TAOK3: variants seen among roughly 807,000 people sequenced by gnomAD.
TAOK3 encodes TAO kinase 3, also known as serine/threonine-protein kinase TAO3.
In TAOK3, 40 loss-of-function variants were observed where a neutral mutation model predicts 120.4. That is an observed-to-expected ratio of 0.33 (90% CI 0.26 to 0.43). The LOEUF is 0.43. Among genes scored for constraint, TAOK3 ranks in the 20% least tolerant of loss-of-function variants. The pLI is 1.00. For missense variants in TAOK3, 821 were observed against 1,112.1 expected (o/e 0.74, Z 3.72); for synonymous variants, 355 against 387.5 (o/e 0.92, Z 0.99).
chr12:118,311,180 G>T (rs932357277), intron 1 of TAOK3, among the ~76,000 whole-genome samples: 1 of 152,134 alleles, frequency 6.6e-6, no homozygotes, highest in Admixed American at 6.5e-5. Context: ...ACAAATAGGG[G>T]CCGGGCATGG....
intron 19 of TAOK3, among the ~76,000 whole-genome samples, chr12:118,153,344 C>T (rs940193184): frequency 3.9e-5 from 6 of 152,006 alleles, no homozygotes; most frequent in African/African-American, 9.7e-5. Context: ...CCCAGGAGTT[C>T]GAGGCTGCAG....
chr12:118,370,172 C>A (rs1343835973), intron 1 of TAOK3, among the ~76,000 whole-genome samples: 1 of 151,814 alleles, frequency 6.6e-6, no homozygotes, highest in Non-Finnish European at 1.5e-5. Context: ...CGCGCCTGGC[C>A]ATGTTAGTGG....
chr12:118,198,332 C>T (rs1363109891), intron 13 of TAOK3: 1 of 151,806 alleles, frequency 6.6e-6, no homozygotes, highest in Non-Finnish European at 1.5e-5. Context: ...TTTTCTTACT[C>T]CCTGCTAGAG....
Position 118,215,550 on chromosome 12 carries a change from A to G in TAOK3, c.644-1440T>C, listed in dbSNP as rs969305571. Among the ~76,000 whole-genome samples the G allele has an allele frequency of 3.3e-5, 5 of 151,932 alleles. No individual in the cohort carries two copies. In the East Asian group the frequency reaches 5.9e-4, roughly 18 times the overall value. ...CAACAACAAAAATCACTAACAGAGCATGAGAGATAAGCCAATTATATTCAG... is the reference window on the plus strand; with the variant it reads ...CAACAACAAAAATCACTAACAGAGCGTGAGAGATAAGCCAATTATATTCAG... On this transcript the variant is annotated intron_variant, in intron 9 of 20. Coordinates refer to ENST00000392533, the MANE Select transcript of TAOK3 (RefSeq NM_016281.4).
chr12:118,237,886 C>T (rs559998895), intron 7 of TAOK3, among the ~76,000 whole-genome samples, 187 bp downstream of exon 7: 1 of 152,068 alleles, frequency 6.6e-6, no homozygotes, highest in South Asian at 2.1e-4. Flanking sequence ...ATTGTGGATA[C>T]GTAGGAGAGA....
intron 17 of TAOK3, among the ~76,000 whole-genome samples, chr12:118,163,622 A>G (rs1424258222): frequency 1.3e-5 from 2 of 152,064 alleles, no homozygotes; most frequent in South Asian, 2.1e-4. Flanking sequence ...AAAAAAAAAA[A>G]AGAGAGAGAG....
chr12:118,301,934 A>C (rs2042897395), intron 1 of TAOK3, among the ~76,000 whole-genome samples: 1 of 152,058 alleles, frequency 6.6e-6, no homozygotes, highest in Non-Finnish European at 1.5e-5. Context: ...TATTATGACC[A>C]TATTTTTTCT....
intron 1 of TAOK3, among the ~76,000 whole-genome samples, chr12:118,289,481 TA>T (rs201524204): frequency 3.3e-5 from 5 of 150,560 alleles, no homozygotes; most frequent in East Asian, 1.9e-4. Context: ...CCCAAGAACT[TA>T]AAAAAAAATA....
chr12:118,264,347 A>G (rs1446816250), intron 2 of TAOK3, among the ~76,000 whole-genome samples: 2 of 152,258 alleles, frequency 1.3e-5, no homozygotes, highest in Non-Finnish European at 1.5e-5. Context: ...AAATGAATGG[A>G]CAATCTGTGA....
At chr12:118,261,854 T>C (rs953125245) in intron 2 of TAOK3, among the ~76,000 whole-genome samples, 2 of 151,892 alleles carry the variant, frequency 1.3e-5, no homozygotes, top group African/African-American at 4.8e-5. Flanking sequence ...ATAAAATGAT[T>C]ACACTTCTTT....
intron 2 of TAOK3, among the ~76,000 whole-genome samples, chr12:118,262,983 G>A (rs907179094): frequency 1.3e-5 from 2 of 152,152 alleles, no homozygotes; most frequent in Non-Finnish European, 2.9e-5. Context: ...TTTAAACTCT[G>A]AGAAGTTTAA....
chr12:118,168,992 CCTTCCTTCCTTT>C (rs1204756199), intron 17 of TAOK3, among the ~76,000 whole-genome samples: 165 of 69,924 alleles, frequency 2.4e-3, no homozygotes, highest in South Asian at 6.1e-3. Flanking sequence ...TTCCTTCCTT[CCTTCCTTCCTTT>C]CTTTCTTTCT....
At chr12:118,269,243 C>A (rs2041595959) in intron 1 of TAOK3, among the ~76,000 whole-genome samples, 1 of 151,760 alleles carries the variant, frequency 6.6e-6, no homozygotes, top group African/African-American at 2.4e-5. Context: ...CTCACTGCAA[C>A]CTCCACCTCC....
In TAOK3 at chr12:118,204,960, G is replaced by T. The variant is rs561692824; in HGVS notation, c.820-3497C>A. Reference sequence around the variant, plus strand: ...AGGCAGGGGGATCACATGAGGTCAGGAGTATCAAAGACCAGCTTGGCCAAC... The same window carrying T: ...AGGCAGGGGGATCACATGAGGTCAGTAGTATCAAAGACCAGCTTGGCCAAC... On this transcript the variant is annotated intron_variant, in intron 11 of 20. Coordinates refer to ENST00000392533, the MANE Select transcript of TAOK3 (RefSeq NM_016281.4). Among the ~76,000 whole-genome samples the T allele has an allele frequency of 2.2e-4, 34 of 152,242 alleles. No homozygotes were observed. The South Asian group carries it at 6.8e-3, about 31-fold the overall frequency.
chr12:118,253,755 C>CAAA, intron 3 of TAOK3, among the ~76,000 whole-genome samples: 1 of 146,186 alleles, frequency 6.8e-6, no homozygotes, highest in East Asian at 2.1e-4. Flanking sequence ...AACAAACAAA[C>CAAA]AAAAAAAAAA....
At position 118,150,296 on chromosome 12, in the gene TAOK3, A is replaced by T. The variant is rs1045352869; in HGVS notation, c.*701T>A. The T allele has an allele frequency of 1.3e-5, 2 of 152,624 alleles. No individual in the cohort carries two copies. The highest frequency in any genetic ancestry group is 4.8e-5 in the African/African-American group (2 of 41,454). 9.5% of individuals were successfully genotyped at this position (152,624 alleles called of 1,614,324 possible). Reference sequence around the variant, plus strand: ...TCCTCTGCAACAGCAGAAAATGATTATGATACAATCAGAATATGCTGAAGA... The same window carrying T: ...TCCTCTGCAACAGCAGAAAATGATTTTGATACAATCAGAATATGCTGAAGA... On this transcript the variant is annotated 3_prime_UTR_variant, in exon 21 of 21. Transcript: ENST00000392533.
chr12:118,156,286 C>A (rs2034820125), intron 19 of TAOK3, among the ~76,000 whole-genome samples: 4 of 152,140 alleles, frequency 2.6e-5, no homozygotes, highest in African/African-American at 9.7e-5. Context: ...GACCTTCCAG[C>A]AGCATTTGGT....
intron 1 of TAOK3, among the ~76,000 whole-genome samples, chr12:118,355,399 G>A (rs2045348938): frequency 6.6e-6 from 1 of 152,096 alleles, no homozygotes; most frequent in Admixed American, 6.5e-5. Flanking sequence ...CCATCAAATT[G>A]GGAGGAAATG....
chr12:118,310,256 C>A (rs1044759549), intron 1 of TAOK3, among the ~76,000 whole-genome samples: 1 of 152,168 alleles, frequency 6.6e-6, no homozygotes, highest in Non-Finnish European at 1.5e-5. Context: ...TGCACTCAAC[C>A]TCTACAACAG....
Sources: allele counts gnomAD v4.1 joint callset (sites outside exome capture counted in the v4.1 genomes callset), GRCh38; gene constraint gnomAD v4.1.1; transcripts MANE v1.5; gene names NCBI Gene and HGNC (gene_info 2026-07-23, HGNC 2026-07-21).